TMEM132D: variants seen among roughly 807,000 people sequenced by gnomAD.
TMEM132D encodes the protein mature OL transmembrane protein.
Under a neutral mutation model 62.3 loss-of-function variants are expected in TMEM132D, and 21 were observed. That is an observed-to-expected ratio of 0.34 (90% CI 0.24 to 0.49). The LOEUF is 0.49. Among genes scored for constraint, TMEM132D ranks in the 20% least tolerant of loss-of-function variants. The pLI is 0.99. For synonymous variants in TMEM132D, 621 were observed against 575.6 expected (o/e 1.08, Z -1.13); for missense variants, 1,346 against 1,402.8 (o/e 0.96, Z 0.65).
intron 4 of TMEM132D, among the ~76,000 whole-genome samples, chr12:129,231,634 T>C (rs959488183): frequency 6.6e-6 from 1 of 152,172 alleles, no homozygotes; most frequent in Non-Finnish European, 1.5e-5. Context: ...TAACTGACAT[T>C]CAGCCAAGAA....
rs567373580 is a variant in TMEM132D at position 129,524,912 on chromosome 12, A to T, written c.1115+6147T>A. Among the ~76,000 whole-genome samples, 498 of 117,546 alleles carry T rather than the reference A, an allele frequency of 4.2e-3. 27 individuals are homozygous for T. In the South Asian group the frequency reaches 0.079, roughly 19 times the overall value. The allele number at this position is 117,546 out of a possible 152,430, so 77.1% of individuals were successfully genotyped here. ...CAGAAAAACATTTTATTATTTTCAT[A>T]TTTTTTTCTTTTTTCTTTTTTTTTT... On this transcript the variant is annotated intron_variant, in intron 3 of 8. Transcript: ENST00000422113.
At chr12:129,291,405 C>G (rs2135619454) in intron 4 of TMEM132D, among the ~76,000 whole-genome samples, 1 of 152,258 alleles carries the variant, frequency 6.6e-6, no homozygotes, top group South Asian at 2.1e-4. Context: ...CCATTTGGAT[C>G]CTCTTTACAA....
chr12:129,241,533 C>T (rs1014551961), intron 4 of TMEM132D, among the ~76,000 whole-genome samples: 1 of 152,088 alleles, frequency 6.6e-6, no homozygotes, highest in Non-Finnish European at 1.5e-5. Context: ...ACACCCTCTC[C>T]CTCCCCTGTT....
intron 4 of TMEM132D, among the ~76,000 whole-genome samples, chr12:129,284,607 T>G (rs1881240812): frequency 6.6e-6 from 1 of 152,242 alleles, no homozygotes. Context: ...AACAAACACA[T>G]GTAAACATAT....
intron 1 of TMEM132D, among the ~76,000 whole-genome samples, chr12:129,901,874 C>CGA (rs1421020582): frequency 8.2e-5 from 12 of 146,472 alleles, no homozygotes; most frequent in African/African-American, 2.8e-4. Context: ...CCCCCCGCCC[C>CGA]AAAAAAAAAA....
At chr12:129,573,209 G>A (rs1283171500) in intron 2 of TMEM132D, among the ~76,000 whole-genome samples, 1 of 152,160 alleles carries the variant, frequency 6.6e-6, no homozygotes, top group East Asian at 1.9e-4. Flanking sequence ...ACTCACTACT[G>A]TGAGGATGGT....
intron 2 of TMEM132D, among the ~76,000 whole-genome samples, chr12:129,549,974 C>G (rs759203612): frequency 1.3e-5 from 2 of 152,166 alleles, no homozygotes; most frequent in Admixed American, 6.5e-5. Context: ...GAGGCCTAAC[C>G]TGGATAAACT....
Position 129,234,427 on chromosome 12 carries a change from C to T in TMEM132D, c.1300-24764G>A, listed in dbSNP as rs114070557. 9.5e-3 allele frequency among the ~76,000 whole-genome samples: 1,447 copies of T among 152,244 alleles called. 25 individuals are homozygous for T. Among genetic ancestry groups the T allele is most frequent in the African/African-American group, 0.033 (1,372 of 41,540 alleles). ...TGCTAAATAGCTAATCTTTTCACAC[C>T]CGTTCCAGGAGAATTTATGTTAATG... is the stretch of plus-strand genomic sequence containing the variant. On this transcript the variant is annotated intron_variant, in intron 4 of 8. Transcript: ENST00000422113.
rs561745728 is a variant in TMEM132D at position 129,865,485 on chromosome 12, G to A, written c.79+37776C>T. 2.6e-5 allele frequency among the ~76,000 whole-genome samples: 4 copies of A among 152,298 alleles called. No individual in the cohort carries two copies. In the East Asian group the frequency reaches 7.7e-4, roughly 29 times the overall value. ...TCCGTGTGAGCTCATCACGGAGCCT[G>A]CAATCATACAACTTCTGCTCAACAG... On this transcript the variant is annotated intron_variant, in intron 1 of 8. Transcript: ENST00000422113.
intron 3 of TMEM132D, among the ~76,000 whole-genome samples, chr12:129,467,282 C>G (rs1204281194): frequency 6.6e-6 from 1 of 152,130 alleles, no homozygotes; most frequent in Non-Finnish European, 1.5e-5. Flanking sequence ...ACTTTATCAT[C>G]AGGACATATT....
intron 2 of TMEM132D, among the ~76,000 whole-genome samples, chr12:129,623,220 A>G (rs890657775): frequency 6.6e-6 from 1 of 152,110 alleles, no homozygotes; most frequent in Non-Finnish European, 1.5e-5. Flanking sequence ...CCTTAACTAC[A>G]CATTTTATTT....
intron 1 of TMEM132D, among the ~76,000 whole-genome samples, chr12:129,832,206 G>A (rs1205493346): frequency 1.3e-5 from 2 of 151,250 alleles, no homozygotes; most frequent in Non-Finnish European, 2.9e-5. Context: ...CATTTTTAAA[G>A]GGTTGGAAGA....
intron 1 of TMEM132D, among the ~76,000 whole-genome samples, chr12:129,862,317 G>A (rs143131157): frequency 1.3e-5 from 2 of 152,262 alleles, no homozygotes; most frequent in Admixed American, 6.5e-5. Context: ...CTCAAACTTC[G>A]GGAAATTAAT....
At chr12:129,605,782 AT>A (rs1878609906) in intron 2 of TMEM132D, among the ~76,000 whole-genome samples, 1 of 151,640 alleles carries the variant, frequency 6.6e-6, no homozygotes, top group African/African-American at 2.4e-5. Context: ...CTCATACATC[AT>A]TTTTTTCATG....
intron 3 of TMEM132D, among the ~76,000 whole-genome samples, chr12:129,379,115 G>A (rs916368974): frequency 6.6e-6 from 1 of 152,130 alleles, no homozygotes; most frequent in African/African-American, 2.4e-5. Flanking sequence ...GTGATTTAAT[G>A]TCATGGAAAT....
chr12:129,789,741 T>A (rs1334582314), intron 1 of TMEM132D, among the ~76,000 whole-genome samples: 1 of 152,176 alleles, frequency 6.6e-6, no homozygotes, highest in African/African-American at 2.4e-5. Flanking sequence ...AGACAGGGAT[T>A]GGGACACATT....
chr12:129,240,272 C>A (rs1879900222), intron 4 of TMEM132D, among the ~76,000 whole-genome samples: 1 of 152,110 alleles, frequency 6.6e-6, no homozygotes, highest in Admixed American at 6.5e-5. Context: ...CACTTTTATG[C>A]CGCTGGATAC....
chr12:129,597,583 C>T (rs138928551), intron 2 of TMEM132D, among the ~76,000 whole-genome samples: 1 of 152,272 alleles, frequency 6.6e-6, no homozygotes, highest in African/African-American at 2.4e-5. Context: ...ATCATATAAG[C>T]ATGTTCCCTC....
At chr12:129,291,335 T>C (rs1310032907) in intron 4 of TMEM132D, among the ~76,000 whole-genome samples, 3 of 152,224 alleles carry the variant, frequency 2.0e-5, no homozygotes, top group Non-Finnish European at 2.9e-5. Flanking sequence ...AAAGTAATTA[T>C]GGTGCAACTT....
Sources: gnomAD v4.1 joint callset for allele counts (sites outside exome capture counted in the v4.1 genomes callset) on GRCh38, gnomAD v4.1.1 for gene constraint, MANE v1.5 for transcripts, NCBI Gene and HGNC (gene_info 2026-07-23, HGNC 2026-07-21) for gene names.